The following LIMCH1 variants were observed in gnomAD, a reference collection of about 807,000 sequenced individuals.
LIMCH1 encodes LIM and calponin homology domains-containing protein 1.
A neutral mutation model predicts 176.5 loss-of-function variants in LIMCH1; 113 were observed. The observed-to-expected ratio is 0.64, with a 90% CI of 0.55 to 0.75. The LOEUF (loss-of-function observed/expected upper bound fraction) is 0.75, where lower values mean the gene tolerates loss of function less well. LIMCH1 is among the 30% of genes least tolerant of loss of function. The pLI is 0.00. For synonymous variants in LIMCH1, 619 were observed against 645.9 expected (o/e 0.96, Z 0.63); for missense variants, 1,674 against 1,814.9 (o/e 0.92, Z 1.41).
chr4:41,430,125 A>AG (rs933356500), intron 1 of LIMCH1, among the ~76,000 whole-genome samples: 3 of 152,234 alleles, frequency 2.0e-5, no homozygotes, highest in African/African-American at 7.2e-5. Context: ...AATAGAGTCT[A>AG]GGGGCACAAA....
chr4:41,603,305 A>C (rs1460652549), intron 2 of LIMCH1, among the ~76,000 whole-genome samples: 2 of 152,186 alleles, frequency 1.3e-5, no homozygotes, highest in African/African-American at 4.8e-5. Context: ...ACATGGGTGC[A>C]TATTTGAGCA....
At chr4:41,520,490 A>AT (rs1451326451) in intron 2 of LIMCH1, among the ~76,000 whole-genome samples, 2 of 151,920 alleles carry the variant, frequency 1.3e-5, no homozygotes, top group African/African-American at 4.8e-5. Context: ...GCTATCTGAA[A>AT]TTTTCTTCTT....
Position 41,675,704 on chromosome 4 carries a change from G to A in LIMCH1, c.3439-678G>A, listed in dbSNP as rs374094711. 5.9e-4 allele frequency among the ~76,000 whole-genome samples: 90 copies of A among 151,886 alleles called. 1 individual carries two copies. In the East Asian group the frequency reaches 0.013, roughly 22 times the overall value. On this transcript the variant is annotated intron_variant, in intron 22 of 31. Transcript: ENST00000503057. ...CCCAGTCTCATATTCTGTGGCCTGG[G>A]CACCTGCTTCGGTTCATGGATTTTT...
chr4:41,582,968 A>C (rs1242617315), intron 1 of LIMCH1, among the ~76,000 whole-genome samples: 1 of 152,144 alleles, frequency 6.6e-6, no homozygotes, highest in Non-Finnish European at 1.5e-5. Context: ...AACAAACTTT[A>C]CCATTTAATC....
At chr4:41,650,939 T>C (rs1009041803) in intron 18 of LIMCH1, among the ~76,000 whole-genome samples, 4 of 152,148 alleles carry the variant, frequency 2.6e-5, no homozygotes, top group African/African-American at 9.7e-5. Context: ...CATCCCCCTC[T>C]CTGCCTTTGT....
At chr4:41,633,483 G>T in intron 12 of LIMCH1, 65 bp from the exon 13 acceptor site, 1 of 1,505,184 alleles carries the variant, frequency 6.6e-7, no homozygotes, top group South Asian at 1.2e-5. Context: ...GCCAGTGAGT[G>T]ACACTACTGA....
At chr4:41,649,109 G>A (rs985774297) in intron 17 of LIMCH1, among the ~76,000 whole-genome samples, 3 of 151,944 alleles carry the variant, frequency 2.0e-5, no homozygotes, top group African/African-American at 4.8e-5. Flanking sequence ...ATTTTAAAAG[G>A]CCTAATGAGG....
chr4:41,682,567 A>G (rs1207984062), intron 26 of LIMCH1, 107 bp downstream of exon 26: 4 of 1,050,792 alleles, frequency 3.8e-6, no homozygotes, highest in Non-Finnish European at 5.4e-6. Context: ...CAGCTTCGAA[A>G]TGAATGTTCC....
At chr4:41,393,796 A>AAACT (rs1243724124) in intron 1 of LIMCH1, among the ~76,000 whole-genome samples, 1 of 152,248 alleles carries the variant, frequency 6.6e-6, no homozygotes, top group African/African-American at 2.4e-5. Context: ...CTGTAAAATT[A>AAACT]GAAAGACCTG....
At chr4:41,392,194 C>T (rs945537854) in intron 1 of LIMCH1, among the ~76,000 whole-genome samples, 4 of 152,134 alleles carry the variant, frequency 2.6e-5, no homozygotes, top group Non-Finnish European at 5.9e-5. Context: ...TTAAAAAAAT[C>T]TCTGCCCTCC....
chr4:41,525,845 G>T (rs1338565375), intron 3 of LIMCH1, among the ~76,000 whole-genome samples: 1 of 152,022 alleles, frequency 6.6e-6, no homozygotes, highest in Non-Finnish European at 1.5e-5. Context: ...ACATCTGTTT[G>T]TCCCTAAGCC....
chr4:41,446,757 A>G (rs1215908502), intron 1 of LIMCH1, among the ~76,000 whole-genome samples: 1 of 152,214 alleles, frequency 6.6e-6, no homozygotes. Flanking sequence ...AGTCCTTAAT[A>G]TTTTTCATGA....
At chr4:41,488,810 G>T (rs1447720329) in intron 1 of LIMCH1, among the ~76,000 whole-genome samples, 1 of 152,126 alleles carries the variant, frequency 6.6e-6, no homozygotes, top group Admixed American at 6.5e-5. Context: ...TATCTGTCTG[G>T]TTTCGATATC....
At chr4:41,495,598 G>A (rs2071978724) in intron 2 of LIMCH1, among the ~76,000 whole-genome samples, 2 of 152,164 alleles carry the variant, frequency 1.3e-5, no homozygotes, top group Admixed American at 6.5e-5. Context: ...AGGAATGTGG[G>A]TTTGGAGCCT....
intron 21 of LIMCH1, chr4:41,670,788 G>A (rs2094989152): frequency 6.5e-7 from 1 of 1,535,880 alleles, no homozygotes. Flanking sequence ...TTTTCTCCCA[G>A]TCAGGTAAAC....
intron 20 of LIMCH1, among the ~76,000 whole-genome samples, chr4:41,665,276 A>G: frequency 6.6e-6 from 1 of 152,066 alleles, no homozygotes; most frequent in Non-Finnish European, 1.5e-5. Context: ...TAACTGTTTC[A>G]TTTACAACCA....
intron 31 of LIMCH1, among the ~76,000 whole-genome samples, chr4:41,695,410 AT>A (rs1248468680): frequency 1.3e-5 from 2 of 150,920 alleles, no homozygotes; most frequent in Non-Finnish European, 3.0e-5. Context: ...ATCTGGCCTG[AT>A]TTTTTTTCCA....
rs149628832 is a variant in LIMCH1 at position 41,532,416 on chromosome 4, G to T, written c.237+7938G>T. ...AATAAAATCCAAACACTTCAGAAAC[G>T]TATTTAAGGCTCTTCCTGAGTGAAA... is the stretch of plus-strand genomic sequence containing the variant. On this transcript the variant is annotated intron_variant, in intron 3 of 26. Transcript: ENST00000313860. 2.3e-3 allele frequency among the ~76,000 whole-genome samples: 350 copies of T among 152,236 alleles called. 1 individual carries two copies. Among genetic ancestry groups the T allele is most frequent in the African/African-American group, 8.1e-3 (338 of 41,524 alleles).
At chr4:41,459,332 GCT>G (rs2065014696) in intron 1 of LIMCH1, among the ~76,000 whole-genome samples, 4 of 151,772 alleles carry the variant, frequency 2.6e-5, no homozygotes. Context: ...ACAGGGTCTT[GCT>G]CTGTCACCCA....
Sources: gnomAD v4.1 joint callset for allele counts (sites outside exome capture counted in the v4.1 genomes callset) on GRCh38, gnomAD v4.1.1 for gene constraint, MANE v1.5 for transcripts, NCBI Gene and HGNC (gene_info 2026-07-23, HGNC 2026-07-21) for gene names.